DPYSL2: variants seen among roughly 807,000 people sequenced by gnomAD.
The protein encoded by DPYSL2 is dihydropyrimidinase-related protein 2.
Under a neutral mutation model 69.9 loss-of-function variants are expected in DPYSL2, and 13 were observed. That is an observed-to-expected ratio of 0.19 (90% CI 0.12 to 0.30). The LOEUF is 0.30. DPYSL2 is among the 10% of genes least tolerant of loss of function. The probability of loss-of-function intolerance (pLI) is 1.00; values close to 1 mark genes in which losing one functional copy is unlikely to be tolerated. For synonymous variants in DPYSL2, 326 were observed against 359.1 expected (o/e 0.91, Z 1.04); for missense variants, 587 against 918.9 (o/e 0.64, Z 4.67).
In DPYSL2 at chr8:26,514,295, A is replaced by G; in HGVS notation, c.-31A>G. On this transcript the variant is annotated 5_prime_UTR_variant, in exon 1 of 14. Coordinates refer to ENST00000521913, the MANE Select transcript of DPYSL2 (RefSeq NM_001197293.3). The surrounding 1 kb of genome is among the most constrained non-coding windows in gnomAD (Gnocchi z 8.4). ...TAGGGACTGGCAGACGGACGGACGG[A>G]CGGCGAGGACCCTACCCGAGCCCCC... 1 of 1,417,128 alleles carries G rather than the reference A, an allele frequency of 7.1e-7. No individual in the cohort carries two copies. The allele number at this position is 1,417,128 out of a possible 1,614,324, so 87.8% of individuals were successfully genotyped here.
chr8:26,568,399 T>A (rs775698199), intron 1 of DPYSL2, among the ~76,000 whole-genome samples: 1 of 152,048 alleles, frequency 6.6e-6, no homozygotes, highest in Non-Finnish European at 1.5e-5. Context: ...CATCTCCTGA[T>A]CCCCCTTGGT....
rs1279013113 is a variant in DPYSL2, at chr8:26,657,534, TTTGTTG to T, written c.*1837_*1842del. ...GGGATCTGGTTGGGGTTTTGGGTTT[TTTGTTG>T]TTGTTGTTTATTTGTTATTTTAAAG... is the stretch of plus-strand genomic sequence containing the variant. On this transcript the variant is annotated 3_prime_UTR_variant, in exon 14 of 14. Transcript: ENST00000521913. 1 of 152,658 alleles carries T rather than the reference TTTGTTG, an allele frequency of 6.6e-6. No individual in the cohort carries two copies. Among genetic ancestry groups the T allele is most frequent in the African/African-American group, 2.4e-5 (1 of 41,458 alleles). 9.5% of individuals were successfully genotyped at this position (152,658 alleles called of 1,614,324 possible).
chr8:26,584,756 A>G (rs1168764097), intron 3 of DPYSL2, among the ~76,000 whole-genome samples: 1 of 151,440 alleles, frequency 6.6e-6, no homozygotes, highest in East Asian at 1.9e-4. Context: ...AGTAGCCGGG[A>G]CTACAGGCAT....
At chr8:26,584,129 A>G in intron 3 of DPYSL2, 146 bp downstream of exon 3, 2 of 744,646 alleles carry the variant, frequency 2.7e-6, no homozygotes, top group Non-Finnish European at 4.2e-6. Flanking sequence ...TGTGTTAACC[A>G]TTTGTCTTAT....
intron 1 of DPYSL2, among the ~76,000 whole-genome samples, chr8:26,576,098 GC>G (rs1298248392): frequency 6.6e-6 from 1 of 152,222 alleles, no homozygotes; most frequent in Non-Finnish European, 1.5e-5. Context: ...CAGATGCACA[GC>G]TAAATTGAAC....
chr8:26,611,352 G>A (rs1292815643), intron 3 of DPYSL2, among the ~76,000 whole-genome samples: 1 of 152,214 alleles, frequency 6.6e-6, no homozygotes, highest in African/African-American at 2.4e-5. Flanking sequence ...TTCAGATGGT[G>A]GAGTTGAGGC....
intron 3 of DPYSL2, among the ~76,000 whole-genome samples, chr8:26,601,518 C>T (rs1359009348): frequency 6.6e-6 from 1 of 152,144 alleles, no homozygotes; most frequent in Non-Finnish European, 1.5e-5. Context: ...GCTGGGACTA[C>T]AGGTGCCCGC....
At chr8:26,655,530 T>C (rs1803365349) in intron 13 of DPYSL2, 85 bp from the exon 14 acceptor site, 2 of 1,245,040 alleles carry the variant, frequency 1.6e-6, no homozygotes, top group South Asian at 3.2e-5. Context: ...CTTTTCCTCC[T>C]GAGCTGTGAG....
chr8:26,596,096 G>A (rs1454139967), intron 3 of DPYSL2, among the ~76,000 whole-genome samples: 1 of 152,166 alleles, frequency 6.6e-6, no homozygotes, highest in South Asian at 2.1e-4. Flanking sequence ...AACTGTCCCT[G>A]AGGCCTTGAC....
chr8:26,539,414 A>C (rs1396807520), intron 1 of DPYSL2, among the ~76,000 whole-genome samples: 1 of 152,244 alleles, frequency 6.6e-6, no homozygotes, highest in Non-Finnish European at 1.5e-5. Context: ...CTCTACTTTT[A>C]GCATACGTTG....
In DPYSL2 at chr8:26,552,559, G is replaced by A. The variant is rs536063539; in HGVS notation, c.355-29410G>A. Among the ~76,000 whole-genome samples, 7 of 152,306 alleles carry A rather than the reference G, an allele frequency of 4.6e-5. No individual in the cohort carries two copies. In the South Asian group the frequency reaches 1.2e-3, roughly 27 times the overall value. On this transcript the variant is annotated intron_variant, in intron 1 of 13. Coordinates refer to ENST00000521913, the MANE Select transcript of DPYSL2 (RefSeq NM_001197293.3). ...AAAGAAAGGAAAGTTATTTCCTACA[G>A]GTCTGGAGGCTGGGAAGTCCAAAGT... is the stretch of plus-strand genomic sequence containing the variant.
chr8:26,526,334 C>T (rs1808477078), intron 1 of DPYSL2, among the ~76,000 whole-genome samples: 1 of 152,114 alleles, frequency 6.6e-6, no homozygotes, highest in Non-Finnish European at 1.5e-5. Flanking sequence ...ACCTCGTTAT[C>T]CACCCACCTT....
At position 26,585,701 on chromosome 8, in the gene DPYSL2, A is replaced by G. The variant is rs451164; in HGVS notation, c.628+1718A>G. ...ACTTGAACTTGGAGAAGCTTAGACT[A>G]TTCGGGTGTCAGCCGGGAAGGCCAA... On this transcript the variant is annotated intron_variant, in intron 3 of 13. Coordinates refer to ENST00000521913, the MANE Select transcript of DPYSL2 (RefSeq NM_001197293.3). The surrounding 1 kb of genome is among the most constrained non-coding windows in gnomAD (Gnocchi z 4.0). 0.51 allele frequency among the ~76,000 whole-genome samples: 77,240 copies of G among 152,040 alleles called. 20,617 individuals carry two copies. Among genetic ancestry groups the G allele is most frequent in the African/African-American group, 0.67 (27,727 of 41,480 alleles).
In DPYSL2 at chr8:26,565,307, G is replaced by A. The variant is rs1299046773; in HGVS notation, c.355-16662G>A. On this transcript the variant is annotated intron_variant, in intron 1 of 13. Coordinates refer to ENST00000521913, the MANE Select transcript of DPYSL2 (RefSeq NM_001197293.3). The surrounding 1 kb of genome is among the most constrained non-coding windows in gnomAD (Gnocchi z 4.1). ...TGTCCCAATCTTTAATGCAGTATGA[G>A]TGTTCTGTGGCTGCTCCCACAGAAG... is the stretch of plus-strand genomic sequence containing the variant. Among the ~76,000 whole-genome samples, 1 of 152,198 alleles carries A rather than the reference G, an allele frequency of 6.6e-6. No homozygotes were observed. The highest frequency in any genetic ancestry group is 1.5e-5 in the Non-Finnish European group (1 of 68,044).
intron 3 of DPYSL2, among the ~76,000 whole-genome samples, chr8:26,606,004 G>C (rs1012313964): frequency 6.6e-6 from 1 of 152,072 alleles, no homozygotes; most frequent in Non-Finnish European, 1.5e-5. Context: ...ATTCAAAAAG[G>C]TCATAATGAA....
chr8:26,530,375 G>C (rs1800487011), intron 1 of DPYSL2, among the ~76,000 whole-genome samples: 1 of 152,122 alleles, frequency 6.6e-6, no homozygotes, highest in South Asian at 2.1e-4. Context: ...GTATATCTTT[G>C]ACATATGATT....
intron 7 of DPYSL2, among the ~76,000 whole-genome samples, chr8:26,632,631 G>C (rs1315620968): frequency 6.6e-6 from 1 of 152,184 alleles, no homozygotes; most frequent in Non-Finnish European, 1.5e-5. Flanking sequence ...TTGAGCCCAG[G>C]AGTTCAAGAC....
chr8:26,612,307 G>A (rs1310418788), intron 3 of DPYSL2, among the ~76,000 whole-genome samples: 4 of 152,202 alleles, frequency 2.6e-5, no homozygotes, highest in Non-Finnish European at 5.9e-5. Context: ...AAGAACCATA[G>A]TTCATCCAGT....
rs1801403260 is a variant in DPYSL2, at chr8:26,578,160, A to G, written c.355-3809A>G. The G allele has an allele frequency of 5.0e-6, 8 of 1,601,344 alleles. No homozygotes were observed. The South Asian group carries it at 9.0e-5, about 18-fold the overall frequency. ...CACCCTTTTCAATCTTGCAAAGGAA[A>G]AAAACAAAACAAAACAAAAAAAACC... On this transcript the variant is annotated intron_variant, in intron 1 of 13. Coordinates refer to ENST00000521913, the MANE Select transcript of DPYSL2 (RefSeq NM_001197293.3).
Sources: gnomAD v4.1 joint callset for allele counts (sites outside exome capture counted in the v4.1 genomes callset) on GRCh38, gnomAD v4.1.1 for gene constraint, Gnocchi (gnomAD v3.1) non-coding constraint, MANE v1.5 for transcripts, NCBI Gene and HGNC (gene_info 2026-07-23, HGNC 2026-07-21) for gene names.